TECPR2: variants seen among roughly 807,000 people sequenced by gnomAD.
The protein encoded by TECPR2 is tectonin beta-propeller repeat containing 2.
Under a neutral mutation model 138.1 loss-of-function variants are expected in TECPR2, and 65 were observed. That is an observed-to-expected ratio of 0.47 (90% CI 0.39 to 0.58). The LOEUF (loss-of-function observed/expected upper bound fraction) is 0.58. TECPR2 is among the 20% of genes least tolerant of loss of function. The pLI, the probability that TECPR2 is intolerant of heterozygous loss-of-function variation, is 0.00. For synonymous variants in TECPR2, 746 were observed against 749.8 expected, an observed-to-expected ratio of 0.99 and a Z score of 0.08; for missense variants, 1,553 against 1,824.5, an observed-to-expected ratio of 0.85 and a Z score of 2.71.
chr14:102,422,920 G>C (rs1452453506), intron 5 of TECPR2, among the ~76,000 whole-genome samples: 1 of 152,206 alleles, frequency 6.6e-6, no homozygotes, highest in Non-Finnish European at 1.5e-5. Context: ...AGTGGTCGCA[G>C]AAGATTATAA....
chr14:102,426,059 G>A (rs913929330), intron 6 of TECPR2, among the ~76,000 whole-genome samples: 1 of 151,342 alleles, frequency 6.6e-6, no homozygotes, highest in African/African-American at 2.4e-5. Flanking sequence ...TAATTTTTTT[G>A]TATTTTTAGT....
chr14:102,381,429 C>T (rs1290228947), intron 2 of TECPR2, among the ~76,000 whole-genome samples: 1 of 152,164 alleles, frequency 6.6e-6, no homozygotes, highest in Non-Finnish European at 1.5e-5. Flanking sequence ...CAAAAATTAG[C>T]CGGGAATAGT....
chr14:102,433,092 A>G (rs1035022928), intron 8 of TECPR2, among the ~76,000 whole-genome samples: 1 of 152,124 alleles, frequency 6.6e-6, no homozygotes, highest in African/African-American at 2.4e-5. Flanking sequence ...AGTTGTGGAA[A>G]CCAGAAGATC....
At chr14:102,487,605 A>T (rs1347285123) in intron 17 of TECPR2, among the ~76,000 whole-genome samples, 1 of 151,918 alleles carries the variant, frequency 6.6e-6, no homozygotes, top group East Asian at 1.9e-4. Context: ...GCAGTGGCGC[A>T]ATCTGGGCTC....
chr14:102,499,821 A>G lies in TECPR2; in HGVS notation c.*1564A>G, dbSNP rs1891396058. 6.5e-6 allele frequency: 1 copy of G among 154,580 alleles called. No individual in the cohort carries two copies. The highest frequency in any genetic ancestry group is 6.4e-5 in the Admixed American group (1 of 15,706). 9.6% of individuals were successfully genotyped at this position (154,580 alleles called of 1,614,324 possible). A position where few individuals can be genotyped will look rare whatever the true frequency, so the allele number is the denominator to read the frequency against. Reference sequence around the variant, plus strand: ...CAGGCCGCAGGTGGAGGGTGATAAAATATGTTCTCTGACAGGACCCAGCCA... The same window carrying G: ...CAGGCCGCAGGTGGAGGGTGATAAAGTATGTTCTCTGACAGGACCCAGCCA... On this transcript the variant is annotated 3_prime_UTR_variant, in exon 20 of 20. Transcript: ENST00000359520.
intron 17 of TECPR2, among the ~76,000 whole-genome samples, chr14:102,479,549 G>T (rs192273591): frequency 6.6e-6 from 1 of 152,300 alleles, no homozygotes; most frequent in East Asian, 1.9e-4. Flanking sequence ...AAATGGAGAA[G>T]GTCTGCAGTG....
intron 17 of TECPR2, among the ~76,000 whole-genome samples, chr14:102,494,579 C>A (rs1443383994): frequency 1.3e-5 from 2 of 151,802 alleles, no homozygotes; most frequent in Non-Finnish European, 2.9e-5. Flanking sequence ...GTAATCCCAG[C>A]ACTTTTGGGA....
chr14:102,418,990 T>C lies in TECPR2; in HGVS notation c.638+4197T>C, dbSNP rs545497996. On this transcript the variant is annotated intron_variant, in intron 5 of 19. Coordinates refer to ENST00000359520, the MANE Select transcript of TECPR2 (RefSeq NM_014844.5). ...GGAACAGCCTGCTGTGGCCCCGCCATGTCCTCTCCCTGCAGTGGAGAGCTG... is the reference window on the plus strand; with the variant it reads ...GGAACAGCCTGCTGTGGCCCCGCCACGTCCTCTCCCTGCAGTGGAGAGCTG... Among the ~76,000 whole-genome samples, 285 of 152,048 alleles carry C rather than the reference T, an allele frequency of 1.9e-3. 2 individuals carry two copies. The highest frequency in any genetic ancestry group is 6.3e-3 in the African/African-American group (261 of 41,474).
intron 1 of TECPR2, among the ~76,000 whole-genome samples, chr14:102,369,167 C>A (rs552847755): frequency 6.6e-5 from 10 of 152,196 alleles, no homozygotes; most frequent in African/African-American, 2.4e-4. Flanking sequence ...CACAAATAAA[C>A]ATATTATCTG....
intron 2 of TECPR2, among the ~76,000 whole-genome samples, chr14:102,379,135 C>T (rs1056646117): frequency 6.6e-6 from 1 of 152,192 alleles, no homozygotes; most frequent in African/African-American, 2.4e-5. Flanking sequence ...TGAACCCCAA[C>T]AAGATCTATC....
At chr14:102,465,784 C>A in intron 17 of TECPR2, 1 of 351,938 alleles carries the variant, frequency 2.8e-6, no homozygotes, top group Non-Finnish European at 4.0e-6. Context: ...CCGTGCATCC[C>A]AACACAGAGT....
intron 5 of TECPR2, among the ~76,000 whole-genome samples, chr14:102,416,946 C>T (rs1227860184): frequency 3.3e-5 from 5 of 152,164 alleles, no homozygotes; most frequent in African/African-American, 9.6e-5. Context: ...ACTGCACCAC[C>T]GCACTCCAGC....
Position 102,382,945 on chromosome 14 carries a change from A to G in TECPR2, c.219+6005A>G, listed in dbSNP as rs1055129783. ...CTAATTTTTTGTATTTTTAGTAGAG[A>G]TGGGGTTTCACCACGTTGGCCAGGC... is the stretch of plus-strand genomic sequence containing the variant. On this transcript the variant is annotated intron_variant, in intron 2 of 19. Coordinates refer to ENST00000359520, the MANE Select transcript of TECPR2 (RefSeq NM_014844.5). Among the ~76,000 whole-genome samples the G allele has an allele frequency of 3.9e-5, 6 of 151,984 alleles. No individual in the cohort carries two copies. The East Asian group carries it at 7.7e-4, about 20-fold the overall frequency.
chr14:102,497,957 A>G, intron 19 of TECPR2, 146 bp from the exon 20 acceptor site: 1 of 1,188,370 alleles, frequency 8.4e-7, no homozygotes, highest in African/African-American at 1.5e-5. Context: ...TGAGGGTACG[A>G]AGTTCACATG....
intron 17 of TECPR2, among the ~76,000 whole-genome samples, chr14:102,487,768 C>T (rs1221395130): frequency 2.0e-5 from 3 of 151,636 alleles, no homozygotes; most frequent in Non-Finnish European, 2.9e-5. Context: ...GTCTCAATCT[C>T]CTGACCTCGT....
At chr14:102,440,667 C>G (rs1837910623) in intron 11 of TECPR2, 58 bp downstream of exon 11, 10 of 1,563,606 alleles carry the variant, frequency 6.4e-6, no homozygotes, top group Non-Finnish European at 8.7e-6. Context: ...CTCTGCTGCA[C>G]CCTGCTTTGC....
intron 2 of TECPR2, among the ~76,000 whole-genome samples, chr14:102,401,728 C>A (rs1327533304): frequency 2.1e-5 from 3 of 142,164 alleles, no homozygotes; most frequent in African/African-American, 7.8e-5. Context: ...TGGCGTGAAC[C>A]CGGGAGGCAG....
intron 2 of TECPR2, 42 bp from the exon 3 acceptor site, chr14:102,407,296 C>T (rs369584016): frequency 5.4e-5 from 84 of 1,549,748 alleles, no homozygotes; most frequent in Non-Finnish European, 7.0e-5. Context: ...ATTTTCAAAG[C>T]CTGCATAGTT....
chr14:102,412,293 A>C (rs1367489458), intron 4 of TECPR2, among the ~76,000 whole-genome samples: 1 of 152,048 alleles, frequency 6.6e-6, no homozygotes, highest in Non-Finnish European at 1.5e-5. Flanking sequence ...CACCATGCCC[A>C]GCTGATTTTT....
Sources: gnomAD v4.1 joint callset for allele counts (sites outside exome capture counted in the v4.1 genomes callset) on GRCh38, gnomAD v4.1.1 for gene constraint, MANE v1.5 for transcripts, NCBI Gene and HGNC (gene_info 2026-07-23, HGNC 2026-07-21) for gene names.